LRBA: variants seen among roughly 807,000 people sequenced by gnomAD.
The protein encoded by LRBA is lipopolysaccharide-responsive and beige-like anchor protein.
LRBA carries 176 observed loss-of-function variants against 330.0 expected under a neutral mutation model. That is an observed-to-expected ratio of 0.53 (90% CI 0.47 to 0.60). The LOEUF (loss-of-function observed/expected upper bound fraction) is 0.60, where lower values mean the gene tolerates loss of function less well. Ranked by LOEUF, LRBA falls within the 20% of genes least tolerant of loss-of-function variation. The pLI is 0.00. For synonymous variants in LRBA, 1,230 were observed against 1,193.0 expected (o/e 1.03, Z -0.64); for missense variants, 3,259 against 3,444.8 (o/e 0.95, Z 1.35).
intron 35 of LRBA, among the ~76,000 whole-genome samples, chr4:150,752,642 T>A (rs1733715184): frequency 6.6e-6 from 1 of 152,096 alleles, no homozygotes; most frequent in Non-Finnish European, 1.5e-5. Flanking sequence ...TAAATGGAGA[T>A]AGCAAATACT....
At chr4:150,900,024 T>C in intron 14 of LRBA, 25 bp downstream of exon 14, 1 of 1,564,098 alleles carries the variant, frequency 6.4e-7, no homozygotes, top group African/African-American at 1.4e-5. Context: ...TTGTGTAAAG[T>C]AATATACAGA....
At position 150,384,081 on chromosome 4, in the gene LRBA, C is replaced by T. The variant is rs181824086; in HGVS notation, c.7194+31357G>A. On this transcript the variant is annotated intron_variant, in intron 47 of 56. Transcript: ENST00000651943. ...TGAGACAGAGTTTTGTTCTTGTTGC[C>T]CAGGCTGGAGTGCAATGTGCGATCT... is the stretch of plus-strand genomic sequence containing the variant. Among the ~76,000 whole-genome samples the T allele has an allele frequency of 3.1e-4, 46 of 150,768 alleles. 1 individual carries two copies. The East Asian group carries it at 5.3e-3, about 17-fold the overall frequency.
Position 150,411,124 on chromosome 4 carries a change from C to A in LRBA, c.7194+4314G>T, listed in dbSNP as rs190319336. On this transcript the variant is annotated intron_variant, in intron 47 of 56. Coordinates refer to ENST00000651943, the MANE Select transcript of LRBA (RefSeq NM_001364905.1). ...AGACTGCTTTGGTTTTACCCTGATT[C>A]CAACTGTTCAGAACAAAATATAATT... Among the ~76,000 whole-genome samples the A allele has an allele frequency of 4.8e-3, 727 of 152,218 alleles. 5 individuals carry two copies. Among genetic ancestry groups the A allele is most frequent in the Non-Finnish European group, 7.4e-3 (503 of 68,018 alleles).
chr4:150,844,575 C>T, intron 27 of LRBA, 83 bp downstream of exon 27: 2 of 1,272,358 alleles, frequency 1.6e-6, no homozygotes, highest in Non-Finnish European at 2.2e-6. Flanking sequence ...ATTTATTTAA[C>T]TTTATGTTGA....
At chr4:150,828,939 G>A (rs1041206218) in intron 29 of LRBA, among the ~76,000 whole-genome samples, 3 of 149,304 alleles carry the variant, frequency 2.0e-5, no homozygotes, top group East Asian at 1.9e-4. Context: ...GTGTGTGTGT[G>A]TGTGTGTGTG....
chr4:150,625,995 T>A (rs992503215), intron 37 of LRBA, among the ~76,000 whole-genome samples: 1 of 151,818 alleles, frequency 6.6e-6, no homozygotes, highest in Non-Finnish European at 1.5e-5. Context: ...CTTGGCCGGA[T>A]ATATTTTTTT....
At chr4:150,856,874 T>TG (rs964545945) in intron 22 of LRBA, among the ~76,000 whole-genome samples, 1 of 152,168 alleles carries the variant, frequency 6.6e-6, no homozygotes, top group Non-Finnish European at 1.5e-5. Flanking sequence ...TAAAGATACT[T>TG]GTGAGCTAAT....
chr4:150,302,785 C>T lies in LRBA; in HGVS notation c.7857G>A (p.Leu2619=), dbSNP rs1729842116. The T allele has an allele frequency of 6.3e-7, 1 of 1,591,586 alleles. No individual in the cohort carries two copies. The highest frequency in any genetic ancestry group is 1.2e-5 in the South Asian group (1 of 85,964). ...FRVYSTDTGR[L]IQVVFGHWDV... Reference sequence around the variant, plus strand: ...CCCAATGGCCAAACACCACTTGGATCAATCTTCCTGTAATGCAAAACAATT... The same window carrying T: ...CCCAATGGCCAAACACCACTTGGATTAATCTTCCTGTAATGCAAAACAATT... Residue 2619 remains leucine, a synonymous_variant, in exon 53 of 57, where the codon TTG becomes TTA. Transcript: ENST00000651943.
At chr4:150,395,964 C>T (rs7670869) in intron 47 of LRBA, among the ~76,000 whole-genome samples, 132,532 of 152,172 alleles carry the variant, frequency 0.87, 58,582 homozygotes, top group Non-Finnish European at 0.96. Context: ...ATCTTTCCCC[C>T]GTAGACTATT....
intron 35 of LRBA, among the ~76,000 whole-genome samples, chr4:150,755,930 C>G (rs1734227344): frequency 6.6e-6 from 1 of 151,080 alleles, no homozygotes; most frequent in South Asian, 2.1e-4. Context: ...ACAGCAGTCC[C>G]AGATACTTAG....
intron 36 of LRBA, among the ~76,000 whole-genome samples, chr4:150,698,794 C>T (rs1252552014): frequency 6.6e-6 from 1 of 152,034 alleles, no homozygotes; most frequent in Admixed American, 6.5e-5. Flanking sequence ...ATATGATGTT[C>T]AAAAGATACC....
intron 55 of LRBA, among the ~76,000 whole-genome samples, chr4:150,279,259 T>A (rs1747203964): frequency 6.6e-6 from 1 of 152,212 alleles, no homozygotes; most frequent in Non-Finnish European, 1.5e-5. Context: ...ATAGAAAAAG[T>A]GTGATTACTC....
At chr4:150,640,793 T>C (rs897799378) in intron 37 of LRBA, among the ~76,000 whole-genome samples, 1 of 151,984 alleles carries the variant, frequency 6.6e-6, no homozygotes, top group African/African-American at 2.4e-5. Context: ...GCTTTTCCTT[T>C]AAAAAAAATT....
chr4:150,700,469 A>C (rs919070812), intron 36 of LRBA, among the ~76,000 whole-genome samples: 14 of 152,310 alleles, frequency 9.2e-5, no homozygotes, highest in Admixed American at 8.5e-4. Context: ...GCAGCACTTG[A>C]AGTTGCGTTG....
intron 44 of LRBA, among the ~76,000 whole-genome samples, chr4:150,449,827 C>T (rs1753129249): frequency 6.6e-6 from 1 of 152,010 alleles, no homozygotes; most frequent in Admixed American, 6.6e-5. Flanking sequence ...GTTCTCCTAT[C>T]TCAGATAAAA....
chr4:150,520,253 T>C (rs1299391221), intron 40 of LRBA, among the ~76,000 whole-genome samples: 1 of 152,196 alleles, frequency 6.6e-6, no homozygotes, highest in East Asian at 1.9e-4. Context: ...AGCTTGTCAA[T>C]TTCTTGAAAT....
chr4:150,657,112 G>T (rs1312535446), intron 37 of LRBA, among the ~76,000 whole-genome samples: 5 of 152,182 alleles, frequency 3.3e-5, no homozygotes, highest in African/African-American at 1.2e-4. Context: ...AAGTACAAGT[G>T]TATGAACTAA....
At chr4:150,520,995 A>C (rs1304468226) in intron 40 of LRBA, among the ~76,000 whole-genome samples, 1 of 152,168 alleles carries the variant, frequency 6.6e-6, no homozygotes, top group Non-Finnish European at 1.5e-5. Context: ...TAAGCTTTAG[A>C]AGTTTCTGTC....
intron 37 of LRBA, among the ~76,000 whole-genome samples, chr4:150,618,995 C>T (rs1394179630): frequency 6.6e-6 from 1 of 151,858 alleles, no homozygotes; most frequent in African/African-American, 2.4e-5. Context: ...ATAACCTCTA[C>T]ATTTTAATTT....
Sources: allele counts gnomAD v4.1 joint callset (sites outside exome capture counted in the v4.1 genomes callset), GRCh38; gene constraint gnomAD v4.1.1; transcripts MANE v1.5; gene names NCBI Gene and HGNC (gene_info 2026-07-23, HGNC 2026-07-21).